GLIS3: variants seen among roughly 807,000 people sequenced by gnomAD.
GLIS3 encodes zinc finger protein GLIS3.
Under a neutral mutation model 78.6 loss-of-function variants are expected in GLIS3, and 53 were observed. The observed-to-expected ratio is 0.67, with a 90% CI of 0.54 to 0.85. The LOEUF (loss-of-function observed/expected upper bound fraction) is 0.85, where lower values mean the gene tolerates loss of function less well. Ranked by LOEUF, GLIS3 falls within the 40% of genes least tolerant of loss-of-function variation. The probability of loss-of-function intolerance (pLI) is 0.00; values close to 1 mark genes in which losing one functional copy is unlikely to be tolerated. For synonymous variants in GLIS3, 684 were observed against 509.9 expected, an observed-to-expected ratio of 1.34 and a Z score of -4.60; for missense variants, 1,703 against 1,231.1, an observed-to-expected ratio of 1.38 and a Z score of -5.74.
chr9:4,055,695 T>G (rs1020972136), intron 4 of GLIS3, among the ~76,000 whole-genome samples: 1 of 152,162 alleles, frequency 6.6e-6, no homozygotes, highest in Non-Finnish European at 1.5e-5. Flanking sequence ...CAGGCTTCTG[T>G]GATCAGGTCC....
chr9:4,336,101 T>G, intron 2 of GLIS3, among the ~76,000 whole-genome samples: 1 of 152,192 alleles, frequency 6.6e-6, no homozygotes, highest in East Asian at 1.9e-4. Context: ...ATAAGCCACA[T>G]GGCATGATAT....
chr9:4,225,470 A>G (rs776229222), intron 2 of GLIS3, among the ~76,000 whole-genome samples: 6 of 152,246 alleles, frequency 3.9e-5, no homozygotes, highest in Non-Finnish European at 7.3e-5. Context: ...TGGCATTAAG[A>G]AAACTCATTC....
intron 4 of GLIS3, among the ~76,000 whole-genome samples, chr9:3,964,423 C>T (rs191735091): frequency 4.6e-5 from 7 of 152,254 alleles, no homozygotes; most frequent in African/African-American, 1.7e-4. Context: ...CGTTACCCCC[C>T]CAAAAAGGAA....
chr9:4,148,300 C>A (rs1327152469), intron 2 of GLIS3, among the ~76,000 whole-genome samples: 1 of 152,052 alleles, frequency 6.6e-6, no homozygotes, highest in Non-Finnish European at 1.5e-5. Flanking sequence ...CTGAATTCAC[C>A]ACTATGGTTC....
the GLIS3 span, among the ~76,000 whole-genome samples, chr9:4,394,515 T>G: frequency 1.3e-5 from 2 of 152,098 alleles, no homozygotes; most frequent in African/African-American, 4.8e-5. Flanking sequence ...AACCTGTAAC[T>G]GTCAAGCTTT....
At chr9:4,164,156 T>C (rs921959186) in intron 2 of GLIS3, among the ~76,000 whole-genome samples, 1 of 152,234 alleles carries the variant, frequency 6.6e-6, no homozygotes, top group African/African-American at 2.4e-5. Flanking sequence ...GTGGGTCATT[T>C]AGTGTCCTTA....
chr9:4,172,874 T>C (rs960618197), intron 2 of GLIS3, among the ~76,000 whole-genome samples: 6 of 152,182 alleles, frequency 3.9e-5, no homozygotes, highest in African/African-American at 9.6e-5. Context: ...ATGGAAATAC[T>C]GCAGGCTCCA....
intron 2 of GLIS3, among the ~76,000 whole-genome samples, chr9:4,338,177 C>G (rs527304862): frequency 6.6e-6 from 1 of 152,228 alleles, no homozygotes; most frequent in African/African-American, 2.4e-5. Context: ...TTTCCTTGAA[C>G]AAGGCATATC....
chr9:4,319,942 G>A (rs567305416), intron 2 of GLIS3, among the ~76,000 whole-genome samples: 68 of 151,738 alleles, frequency 4.5e-4, no homozygotes, highest in African/African-American at 1.6e-3. Context: ...TGTTTTGTTC[G>A]GCCTATAGAA....
At position 3,926,213 on chromosome 9, in the gene GLIS3, A is replaced by G. The variant is rs1229127837; in HGVS notation, c.1983+6147T>C. ...TACAGGAAGGTACAGTATTGCGACT[A>G]AAGCAATGCTTTTTCTTTTGTTTTT... On this transcript the variant is annotated intron_variant, in intron 6 of 10. Coordinates refer to ENST00000381971, the MANE Select transcript of GLIS3 (RefSeq NM_001042413.2). Among the ~76,000 whole-genome samples, 12 of 151,804 alleles carry G rather than the reference A, an allele frequency of 7.9e-5. 1 individual carries two copies. The East Asian group carries it at 1.9e-3, about 25-fold the overall frequency.
intron 6 of GLIS3, among the ~76,000 whole-genome samples, chr9:3,929,329 T>C (rs1345313963): frequency 6.6e-6 from 1 of 152,234 alleles, no homozygotes; most frequent in Non-Finnish European, 1.5e-5. Context: ...CCCATTCCTT[T>C]GCAGAAGAGT....
the GLIS3 span, among the ~76,000 whole-genome samples, chr9:4,422,180 A>C: frequency 6.6e-6 from 1 of 152,240 alleles, no homozygotes; most frequent in Non-Finnish European, 1.5e-5. Context: ...CATATCATAA[A>C]TTTGTATTTC....
At chr9:4,360,782 C>A in the GLIS3 span, among the ~76,000 whole-genome samples, 305 of 152,270 alleles carry the variant, frequency 2.0e-3, 2 homozygotes, top group Non-Finnish European at 4.1e-4. Context: ...GGCACAGACA[C>A]CTTGAAGGGT....
the GLIS3 span, among the ~76,000 whole-genome samples, chr9:4,393,290 T>C: frequency 0.011 from 1,628 of 152,292 alleles, 26 homozygotes; most frequent in African/African-American, 0.037. Flanking sequence ...ATGGCTTTTA[T>C]CCCCTAAGTC....
the GLIS3 span, among the ~76,000 whole-genome samples, chr9:4,485,580 G>A: frequency 6.6e-6 from 1 of 152,142 alleles, no homozygotes; most frequent in Non-Finnish European, 1.5e-5. Context: ...GTCTCCCCAT[G>A]TGACTAGCTT....
At chr9:4,335,858 C>A (rs1817748209) in intron 2 of GLIS3, among the ~76,000 whole-genome samples, 1 of 152,124 alleles carries the variant, frequency 6.6e-6, no homozygotes, top group Non-Finnish European at 1.5e-5. Context: ...TCCCTCATTC[C>A]AGCCTTGGTG....
intron 1 of GLIS3, among the ~76,000 whole-genome samples, chr9:4,293,826 G>T (rs1347315886): frequency 2.0e-5 from 3 of 152,220 alleles, no homozygotes; most frequent in Non-Finnish European, 4.4e-5. Flanking sequence ...AAGTCTTGCT[G>T]CTCCTGAAGG....
intron 2 of GLIS3, among the ~76,000 whole-genome samples, chr9:4,322,472 G>A (rs1049795976): frequency 5.3e-5 from 8 of 152,070 alleles, no homozygotes; most frequent in East Asian, 1.9e-4. Flanking sequence ...TTGAGGAATC[G>A]CCACACTGTC....
chr9:3,939,712 G>T (rs1265453280), intron 4 of GLIS3, among the ~76,000 whole-genome samples: 1 of 151,978 alleles, frequency 6.6e-6, no homozygotes, highest in Non-Finnish European at 1.5e-5. Context: ...AGTATTCTCG[G>T]GGAAAAGATT....
Sources: gnomAD v4.1 joint callset for allele counts (sites outside exome capture counted in the v4.1 genomes callset) on GRCh38, gnomAD v4.1.1 for gene constraint, MANE v1.5 for transcripts, NCBI Gene and HGNC (gene_info 2026-07-23, HGNC 2026-07-21) for gene names.